Variants in GRM8 observed in about 807,000 individuals in gnomAD.
GRM8 encodes the protein metabotropic glutamate receptor 8.
A neutral mutation model predicts 87.2 loss-of-function variants in GRM8; 47 were observed. The ratio of observed to expected loss-of-function variants is 0.54; its 90% confidence interval spans 0.43 to 0.69. The LOEUF (loss-of-function observed/expected upper bound fraction) is 0.69, where lower values mean the gene tolerates loss of function less well. GRM8 is among the 30% of genes least tolerant of loss of function. GRM8 has a pLI of 0.00. For synonymous variants in GRM8, 396 were observed against 404.5 expected (o/e 0.98, Z 0.25); for missense variants, 1,019 against 1,139.2 (o/e 0.89, Z 1.52).
intron 3 of GRM8, among the ~76,000 whole-genome samples, chr7:127,103,876 A>G (rs1272263315): frequency 6.6e-6 from 1 of 152,178 alleles, no homozygotes; most frequent in Non-Finnish European, 1.5e-5. Context: ...CCCACTCAGA[A>G]AGATCTCAAC....
At chr7:126,828,863 A>T (rs1795076335) in intron 6 of GRM8, among the ~76,000 whole-genome samples, 1 of 151,358 alleles carries the variant, frequency 6.6e-6, no homozygotes, top group Admixed American at 6.6e-5. Context: ...CCCTCTACAC[A>T]CTGCTGTGAA....
At chr7:126,718,522 T>C (rs1812013410) in intron 7 of GRM8, among the ~76,000 whole-genome samples, 1 of 152,180 alleles carries the variant, frequency 6.6e-6, no homozygotes, top group African/African-American at 2.4e-5. Flanking sequence ...TTTGCTGCTG[T>C]GTGGTGGAGG....
chr7:127,061,401 C>G (rs765216174), intron 3 of GRM8, among the ~76,000 whole-genome samples: 8 of 152,278 alleles, frequency 5.3e-5, no homozygotes, highest in Admixed American at 2.0e-4. Context: ...AATCTGATAG[C>G]TCATCATTTT....
At chr7:126,557,755 C>T (rs1395456754) in intron 8 of GRM8, among the ~76,000 whole-genome samples, 1 of 151,986 alleles carries the variant, frequency 6.6e-6, no homozygotes, top group Non-Finnish European at 1.5e-5. Flanking sequence ...AGAAATATGG[C>T]AACATATGTG....
intron 2 of GRM8, among the ~76,000 whole-genome samples, chr7:127,242,323 T>C (rs1221711756): frequency 1.3e-5 from 2 of 152,194 alleles, no homozygotes; most frequent in Admixed American, 6.5e-5. Flanking sequence ...TCAAATACCA[T>C]AGAAATGTTT....
intron 6 of GRM8, among the ~76,000 whole-genome samples, chr7:126,832,991 T>G (rs2130452057): frequency 6.6e-6 from 1 of 152,250 alleles, no homozygotes; most frequent in East Asian, 1.9e-4. Context: ...AAAGGGATGT[T>G]GTCAATTTTA....
At chr7:127,177,601 AC>A (rs1226483368) in intron 2 of GRM8, among the ~76,000 whole-genome samples, 9 of 151,982 alleles carry the variant, frequency 5.9e-5, no homozygotes, top group Admixed American at 5.9e-4. Flanking sequence ...TCCATTGAAC[AC>A]CCCTGCCACC....
chr7:126,509,580 T>C (rs1811017844), intron 9 of GRM8, among the ~76,000 whole-genome samples: 1 of 152,044 alleles, frequency 6.6e-6, no homozygotes, highest in Admixed American at 6.6e-5. Flanking sequence ...TCCCAGGCAC[T>C]TGAAGGTATC....
intron 2 of GRM8, among the ~76,000 whole-genome samples, chr7:127,234,107 G>A (rs1242573505): frequency 6.6e-6 from 1 of 152,214 alleles, no homozygotes; most frequent in Non-Finnish European, 1.5e-5. Flanking sequence ...TAAGACTGCT[G>A]TGGAATGTTA....
intron 7 of GRM8, among the ~76,000 whole-genome samples, chr7:126,722,617 T>C (rs1373564911): frequency 6.6e-6 from 1 of 152,156 alleles, no homozygotes; most frequent in East Asian, 1.9e-4. Context: ...TGCTTATATT[T>C]TGAGCAGCTA....
At chr7:127,065,700 A>T (rs1821036593) in intron 3 of GRM8, among the ~76,000 whole-genome samples, 1 of 152,188 alleles carries the variant, frequency 6.6e-6, no homozygotes, top group Non-Finnish European at 1.5e-5. Context: ...AGATCACAGC[A>T]GACTGCCCAA....
intron 6 of GRM8, among the ~76,000 whole-genome samples, chr7:126,865,257 A>G (rs542793972): frequency 6.6e-6 from 1 of 152,278 alleles, no homozygotes; most frequent in Admixed American, 6.5e-5. Context: ...GGAATTTTTA[A>G]TATCATGCTT....
chr7:126,654,618 C>T (rs1274995407), intron 7 of GRM8, among the ~76,000 whole-genome samples: 3 of 152,138 alleles, frequency 2.0e-5, no homozygotes, highest in Admixed American at 6.5e-5. Flanking sequence ...AAATTATTAG[C>T]GGCTTATCAG....
chr7:127,011,701 A>G (rs534762422), intron 3 of GRM8, among the ~76,000 whole-genome samples: 84 of 152,318 alleles, frequency 5.5e-4, no homozygotes, highest in African/African-American at 2.0e-3. Flanking sequence ...GCTTTATACC[A>G]TATGTACTCA....
intron 3 of GRM8, among the ~76,000 whole-genome samples, chr7:126,925,280 G>A (rs1351745724): frequency 6.6e-6 from 1 of 152,298 alleles, no homozygotes; most frequent in East Asian, 1.9e-4. Flanking sequence ...GCTCAAAAGT[G>A]TAGGTGGGCT....
chr7:126,886,290 C>T (rs1800492184), intron 6 of GRM8, among the ~76,000 whole-genome samples: 1 of 152,072 alleles, frequency 6.6e-6, no homozygotes, highest in African/African-American at 2.4e-5. Context: ...TAGCAAAATT[C>T]CTGACATATT....
intron 3 of GRM8, among the ~76,000 whole-genome samples, chr7:126,944,697 A>G (rs1807343903): frequency 6.6e-6 from 1 of 152,172 alleles, no homozygotes; most frequent in African/African-American, 2.4e-5. Flanking sequence ...AAGAGAAACC[A>G]CAGACTGAAA....
At chr7:126,857,505 A>G (rs1044349214) in intron 6 of GRM8, among the ~76,000 whole-genome samples, 20 of 152,072 alleles carry the variant, frequency 1.3e-4, no homozygotes, top group Admixed American at 1.3e-3. Context: ...AAAAAAGTTC[A>G]CCTTAATAAA....
At chr7:126,552,080 C>A (rs1301903378) in intron 8 of GRM8, among the ~76,000 whole-genome samples, 1 of 152,120 alleles carries the variant, frequency 6.6e-6, no homozygotes, top group Non-Finnish European at 1.5e-5. Context: ...GAAGACCATT[C>A]TTCCATTCCT....
Sources: allele counts gnomAD v4.1 joint callset (sites outside exome capture counted in the v4.1 genomes callset), GRCh38; gene constraint gnomAD v4.1.1; transcripts MANE v1.5; gene names NCBI Gene and HGNC (gene_info 2026-07-23, HGNC 2026-07-21).